The following GRIK3 variants were observed in gnomAD, a reference collection of about 807,000 sequenced individuals.
The protein encoded by GRIK3 is glutamate receptor ionotropic, kainate 3.
GRIK3 carries 29 observed loss-of-function variants against 102.5 expected under a neutral mutation model. The observed-to-expected ratio is 0.28, with a 90% CI of 0.21 to 0.39. The LOEUF (loss-of-function observed/expected upper bound fraction) is 0.39. Ranked by LOEUF, GRIK3 falls within the 10% of genes least tolerant of loss-of-function variation. GRIK3 has a pLI of 1.00. For synonymous variants in GRIK3, 511 were observed against 504.9 expected (o/e 1.01, Z -0.16); for missense variants, 908 against 1,252.4 (o/e 0.73, Z 4.15).
chr1:36,868,513 AC>A (rs1640810041), intron 5 of GRIK3, among the ~76,000 whole-genome samples: 1 of 151,836 alleles, frequency 6.6e-6, no homozygotes, highest in Admixed American at 6.6e-5. Context: ...GTGCTTAATA[AC>A]CAGCTCTCTG....
intron 1 of GRIK3, among the ~76,000 whole-genome samples, chr1:36,893,859 A>T (rs546195078): frequency 7.6e-4 from 115 of 152,304 alleles, no homozygotes; most frequent in South Asian, 2.3e-3. Context: ...GTGAACAGTG[A>T]GGGTTTCTGG....
chr1:36,850,579 C>T lies in GRIK3; in HGVS notation c.1213-155G>A, dbSNP rs1286917741. Among the ~76,000 whole-genome samples the T allele has an allele frequency of 1.3e-5, 2 of 152,222 alleles. No homozygotes were observed. The highest frequency in any genetic ancestry group is 2.4e-5 in the African/African-American group (1 of 41,456). On this transcript the variant is annotated intron_variant, in intron 8 of 15. Coordinates refer to ENST00000373091, the MANE Select transcript of GRIK3 (RefSeq NM_000831.4). This position sits in a 1 kb window ranked among gnomAD's most constrained non-coding sequence, Gnocchi z 4.0. ...ACTGCCATTGTGTTTCCAGTTATAA[C>T]CGTTCTGGACAACATCCCTGCAGCT...
At chr1:36,922,513 C>T (rs934733395) in intron 1 of GRIK3, among the ~76,000 whole-genome samples, 6 of 152,210 alleles carry the variant, frequency 3.9e-5, no homozygotes, top group Non-Finnish European at 7.3e-5. Context: ...CCACCCTTCC[C>T]CTCAGGACTC....
chr1:36,939,758 A>G (rs181256627), intron 1 of GRIK3, among the ~76,000 whole-genome samples: 275 of 152,342 alleles, frequency 1.8e-3, no homozygotes, highest in Non-Finnish European at 3.2e-3. Flanking sequence ...TAGTGTGCCC[A>G]AGTCTGAATG....
chr1:36,811,773 C>T (rs1642565728), intron 13 of GRIK3, among the ~76,000 whole-genome samples: 2 of 152,202 alleles, frequency 1.3e-5, no homozygotes, highest in Admixed American at 6.5e-5. Flanking sequence ...TGACCTAAGT[C>T]CTCCTGTATG....
At chr1:36,911,646 T>C (rs1233859952) in intron 1 of GRIK3, among the ~76,000 whole-genome samples, 3 of 152,054 alleles carry the variant, frequency 2.0e-5, no homozygotes, top group African/African-American at 4.8e-5. Flanking sequence ...GAGCTTTGTC[T>C]GTACAACTCA....
intron 15 of GRIK3, among the ~76,000 whole-genome samples, chr1:36,804,128 T>C (rs574826709): frequency 4.6e-5 from 7 of 152,378 alleles, no homozygotes; most frequent in African/African-American, 1.7e-4. Context: ...CTCCTCTTTG[T>C]TGACTAAGGC....
At chr1:36,908,834 C>T (rs1244124454) in intron 1 of GRIK3, among the ~76,000 whole-genome samples, 2 of 151,336 alleles carry the variant, frequency 1.3e-5, no homozygotes, top group Non-Finnish European at 2.9e-5. Context: ...AGATGAGTCC[C>T]AGAAGACGTG....
At chr1:36,964,221 A>C (rs1642056755) in intron 1 of GRIK3, among the ~76,000 whole-genome samples, 1 of 152,232 alleles carries the variant, frequency 6.6e-6, no homozygotes, top group Non-Finnish European at 1.5e-5. Flanking sequence ...CTGGACAGCA[A>C]CAGAGTCCTC....
Position 37,033,996 on chromosome 1 carries a change from A to T in GRIK3, c.113T>A (p.Ile38Asn). ...CCCCGGCTCCAGGGAGCGCTTACCG[A>T]TCCGGATGACGTGGGGCATCCCGCG... is the stretch of plus-strand genomic sequence containing the variant. ...DSRGMPHVIR[I>N]GGIFEYADGP... The change falls in exon 1 of 16, where the codon ATC becomes AAC. Residue 38 changes from isoleucine to asparagine, a missense_variant and splice_region_variant. By Grantham distance (149) the Ile-to-Asn change is moderately radical (BLOSUM62 -3). Transcript: ENST00000373091. 1 of 1,578,616 alleles carries T rather than the reference A, an allele frequency of 6.3e-7. No individual in the cohort carries two copies. The highest frequency in any genetic ancestry group is 8.6e-7 in the Non-Finnish European group (1 of 1,158,242).
intron 5 of GRIK3, among the ~76,000 whole-genome samples, chr1:36,863,989 A>T (rs978786993): frequency 6.6e-6 from 1 of 152,140 alleles, no homozygotes; most frequent in African/African-American, 2.4e-5. Flanking sequence ...TTAGTGCAAA[A>T]GTCATTGTGG....
intron 2 of GRIK3, among the ~76,000 whole-genome samples, chr1:36,886,984 T>G (rs935808693): frequency 6.6e-6 from 1 of 152,260 alleles, no homozygotes; most frequent in African/African-American, 2.4e-5. Flanking sequence ...TCCGAATCTA[T>G]CCATTCTCCT....
chr1:36,850,952 A>C lies in GRIK3; in HGVS notation c.1213-528T>G, dbSNP rs1371182445. On this transcript the variant is annotated intron_variant, in intron 8 of 15. Coordinates refer to ENST00000373091, the MANE Select transcript of GRIK3 (RefSeq NM_000831.4). The surrounding 1 kb of genome is among the most constrained non-coding windows in gnomAD (Gnocchi z 4.0). ...CAGACACACAGACTAAGGTAGAATA[A>C]TCTCTCTCTCTACAGCGTCCTTGTG... Among the ~76,000 whole-genome samples the C allele has an allele frequency of 6.6e-6, 1 of 152,180 alleles. No homozygotes were observed. The highest frequency in any genetic ancestry group is 1.5e-5 in the Non-Finnish European group (1 of 68,042).
Position 36,799,872 on chromosome 1 carries a change from C to T in GRIK3, c.*1979G>A, listed in dbSNP as rs1434541949. 1.3e-5 allele frequency: 2 copies of T among 152,390 alleles called. No individual in the cohort carries two copies. Among genetic ancestry groups the T allele is most frequent in the Non-Finnish European group, 2.9e-5 (2 of 68,186 alleles). 9.4% of individuals were successfully genotyped at this position (152,390 alleles called of 1,614,324 possible). A position where few individuals can be genotyped will look rare whatever the true frequency, so the allele number is the denominator to read the frequency against. ...CAGATCTGTCCTGTGCCCCAGCCCC[C>T]GAAGCTCACACATACAAACACAAAG... On this transcript the variant is annotated 3_prime_UTR_variant, in exon 16 of 16. Coordinates refer to ENST00000373091, the MANE Select transcript of GRIK3 (RefSeq NM_000831.4).
At chr1:36,953,601 T>C (rs1370785531) in intron 1 of GRIK3, among the ~76,000 whole-genome samples, 1 of 151,780 alleles carries the variant, frequency 6.6e-6, no homozygotes, top group Non-Finnish European at 1.5e-5. Flanking sequence ...TTGGGTATGC[T>C]TAGGTGGTGA....
chr1:36,967,380 C>T (rs1291240734), intron 1 of GRIK3, among the ~76,000 whole-genome samples: 4 of 152,216 alleles, frequency 2.6e-5, no homozygotes, highest in Non-Finnish European at 5.9e-5. Flanking sequence ...ACCTCCATGC[C>T]CAGCAGGGCC....
chr1:36,942,258 G>T (rs1173582236), intron 1 of GRIK3, among the ~76,000 whole-genome samples: 1 of 152,166 alleles, frequency 6.6e-6, no homozygotes, highest in Non-Finnish European at 1.5e-5. Context: ...GCCACCGCGG[G>T]GTGACTCACA....
intron 1 of GRIK3, among the ~76,000 whole-genome samples, chr1:37,006,677 A>G (rs1642536127): frequency 6.6e-6 from 1 of 152,268 alleles, no homozygotes; most frequent in Non-Finnish European, 1.5e-5. Flanking sequence ...GCTAGACATC[A>G]GAGCAGGAGC....
chr1:36,969,427 A>G (rs1642118118), intron 1 of GRIK3, among the ~76,000 whole-genome samples: 1 of 152,252 alleles, frequency 6.6e-6, no homozygotes, highest in Admixed American at 6.5e-5. Context: ...TTTGATCTTG[A>G]CAAATTAACT....
Sources: allele counts gnomAD v4.1 joint callset (sites outside exome capture counted in the v4.1 genomes callset), GRCh38; gene constraint gnomAD v4.1.1; non-coding constraint Gnocchi (gnomAD v3.1); transcripts MANE v1.5; gene names NCBI Gene and HGNC (gene_info 2026-07-23, HGNC 2026-07-21).